Variants in CLHC1 observed in about 807,000 individuals in gnomAD.
CLHC1 encodes the protein clathrin heavy chain linker domain-containing protein 1.
In CLHC1, 72 loss-of-function variants were observed where a neutral mutation model predicts 69.5. The observed-to-expected ratio is 1.04, with a 90% CI of 0.86 to 1.26. The LOEUF is 1.26. Ranked by LOEUF, CLHC1 falls within the 50% of genes most tolerant of loss-of-function variation. The probability of loss-of-function intolerance (pLI) is 0.00; values close to 1 mark genes in which losing one functional copy is unlikely to be tolerated. For missense variants in CLHC1, 790 were observed against 679.3 expected, an observed-to-expected ratio of 1.16 and a Z score of -1.81; for synonymous variants, 223 against 224.3, an observed-to-expected ratio of 0.99 and a Z score of 0.05.
intron 4 of CLHC1, 22 bp downstream of exon 4, chr2:55,217,789 G>C (rs1490854013): frequency 4.1e-6 from 6 of 1,452,694 alleles, no homozygotes; most frequent in South Asian, 1.4e-5. Flanking sequence ...CCATCTTTTG[G>C]GCTAGTTACT....
At chr2:55,189,839 T>C (rs1670750345) in intron 9 of CLHC1, among the ~76,000 whole-genome samples, 1 of 152,110 alleles carries the variant, frequency 6.6e-6, no homozygotes, top group East Asian at 1.9e-4. Context: ...TGAGAATAAC[T>C]CTTCCACCAG....
chr2:55,204,295 G>A (rs1232177861), intron 9 of CLHC1, among the ~76,000 whole-genome samples: 1 of 151,994 alleles, frequency 6.6e-6, no homozygotes. Context: ...AAAAAGAAAA[G>A]GCAAAAGATT....
chr2:55,178,590 C>T (rs985503677), intron 11 of CLHC1, among the ~76,000 whole-genome samples: 3 of 151,702 alleles, frequency 2.0e-5, no homozygotes, highest in Non-Finnish European at 2.9e-5. Flanking sequence ...CCTGGGCTCA[C>T]GCAGTCTCCC....
intron 9 of CLHC1, among the ~76,000 whole-genome samples, chr2:55,194,391 G>C (rs534628521): frequency 6.6e-6 from 1 of 151,892 alleles, no homozygotes; most frequent in Non-Finnish European, 1.5e-5. Context: ...ATGAATACAA[G>C]AGAATTTCTT....
chr2:55,197,488 C>T (rs1024472182), intron 9 of CLHC1, among the ~76,000 whole-genome samples: 4 of 152,192 alleles, frequency 2.6e-5, no homozygotes, highest in African/African-American at 7.2e-5. Flanking sequence ...CAGCTCCAGG[C>T]AGCTCAGCAC....
At chr2:55,199,184 C>T (rs1468348933) in intron 9 of CLHC1, among the ~76,000 whole-genome samples, 1 of 148,446 alleles carries the variant, frequency 6.7e-6, no homozygotes, top group Non-Finnish European at 1.5e-5. Context: ...GTAGTCCCAT[C>T]TATTTGGGAG....
At chr2:55,216,323 T>G (rs1432653544) in intron 4 of CLHC1, among the ~76,000 whole-genome samples, 1 of 150,930 alleles carries the variant, frequency 6.6e-6, no homozygotes, top group African/African-American at 2.4e-5. Flanking sequence ...TCTATAAAAA[T>G]AATTTATCCA....
intron 9 of CLHC1, among the ~76,000 whole-genome samples, chr2:55,195,104 T>C (rs1311999595): frequency 6.6e-6 from 1 of 152,156 alleles, no homozygotes; most frequent in African/African-American, 2.4e-5. Flanking sequence ...TTATGCAATA[T>C]AGTATTATTA....
At chr2:55,177,572 A>G (rs1669511363) in intron 12 of CLHC1, 30 bp downstream of exon 12, 1 of 1,511,034 alleles carries the variant, frequency 6.6e-7, no homozygotes, top group African/African-American at 1.4e-5. Flanking sequence ...ACCCACTACT[A>G]TTTCTCCCAC....
intron 9 of CLHC1, among the ~76,000 whole-genome samples, chr2:55,190,335 C>T (rs1404782175): frequency 6.6e-6 from 1 of 152,104 alleles, no homozygotes; most frequent in Non-Finnish European, 1.5e-5. Context: ...GCATGAGCCA[C>T]CATGCCCAGC....
In CLHC1 at chr2:55,217,844, T is replaced by C. The variant is rs150449444; in HGVS notation, c.332A>G (p.Tyr111Cys). The C allele has an allele frequency of 5.0e-6, 8 of 1,587,410 alleles. No homozygotes were observed. Among genetic ancestry groups the C allele is most frequent in the African/African-American group, 2.7e-5 (2 of 73,088 alleles). ...AAGTTGGATTGTTCTTTTCCTGTAA[T>C]ATACCAAAGCTGTAGGCTCTGCTGC... ...GLAAEPTALVYYRKRTIQLEA... is the reference protein window; with the variant it reads ...GLAAEPTALVCYRKRTIQLEA... The change falls in exon 4 of 13, where the codon TAT becomes TGT. Residue 111 changes from tyrosine to cysteine, a missense_variant. Tyr to Cys is a radical substitution (Grantham distance 194). Transcript: ENST00000401408.
At chr2:55,209,584 A>G in intron 6 of CLHC1, 46 bp downstream of exon 6, 1 of 1,592,512 alleles carries the variant, frequency 6.3e-7, no homozygotes, top group Non-Finnish European at 8.6e-7. Context: ...TAGAATAAAC[A>G]CAAATAAAAC....
At chr2:55,202,864 A>T (rs1021144827) in intron 9 of CLHC1, among the ~76,000 whole-genome samples, 4 of 148,320 alleles carry the variant, frequency 2.7e-5, no homozygotes, top group African/African-American at 7.5e-5. Flanking sequence ...GCACCACTGC[A>T]CTCCAGCCTG....
Position 55,175,503 on chromosome 2 carries a change from A to T in CLHC1, c.*287T>A, listed in dbSNP as rs1182353342. The stretch of plus-strand genomic sequence containing the variant: ...CATCACCAGAAAGTAATATATCTGG[A>T]CATTAGCTTATGTCCTTAGATAAAA... On this transcript the variant is annotated 3_prime_UTR_variant, in exon 13 of 13. Transcript: ENST00000401408. 3.0e-6 allele frequency: 1 copy of T among 338,380 alleles called. No individual in the cohort carries two copies. Among genetic ancestry groups the T allele is most frequent in the East Asian group, 5.3e-5 (1 of 18,902 alleles). The allele number at this position is 338,380 out of a possible 1,614,324, so 21.0% of individuals were successfully genotyped here.
intron 9 of CLHC1, among the ~76,000 whole-genome samples, chr2:55,182,511 C>T (rs745806797): frequency 1.3e-5 from 2 of 152,080 alleles, no homozygotes; most frequent in Non-Finnish European, 2.9e-5. Context: ...GATTATTTTC[C>T]TTTTTGTGAG....
intron 5 of CLHC1, among the ~76,000 whole-genome samples, chr2:55,210,978 G>A (rs529409974): frequency 1.3e-5 from 2 of 152,198 alleles, no homozygotes; most frequent in South Asian, 4.1e-4. Flanking sequence ...ACAGGCATGA[G>A]CCACTGTGCC....
Position 55,175,869 on chromosome 2 carries a change from A to C in CLHC1, c.1682T>G (p.Ile561Ser). Residue 561 changes from isoleucine to serine, a missense_variant, in exon 13 of 13, where the codon ATT becomes AGT. Transcript: ENST00000401408. ...TGTAACTGCAGCCTGAGATCGAAGA[A>C]TAGACGTGATGTCATTAGATAATTT... Reference protein sequence around the residue: ...FDKLSNDITSILRSQAAVTEI... With the variant: ...FDKLSNDITSSLRSQAAVTEI... 1 of 1,614,070 alleles carries C rather than the reference A, an allele frequency of 6.2e-7. No homozygotes were observed. Among genetic ancestry groups the C allele is most frequent in the Non-Finnish European group, 8.5e-7 (1 of 1,179,932 alleles).
At chr2:55,200,693 T>G (rs1184949044) in intron 9 of CLHC1, among the ~76,000 whole-genome samples, 4 of 152,178 alleles carry the variant, frequency 2.6e-5, no homozygotes, top group Admixed American at 2.6e-4. Context: ...TAATAGATGT[T>G]TACAGAACGT....
intron 4 of CLHC1, among the ~76,000 whole-genome samples, chr2:55,217,588 A>C (rs1673698866): frequency 8.1e-6 from 1 of 123,468 alleles, no homozygotes; most frequent in African/African-American, 2.9e-5. Flanking sequence ...TATATATACT[A>C]AGAGGTACTA....
Sources: allele counts gnomAD v4.1 joint callset (sites outside exome capture counted in the v4.1 genomes callset), GRCh38; gene constraint gnomAD v4.1.1; transcripts MANE v1.5; gene names NCBI Gene and HGNC (gene_info 2026-07-23, HGNC 2026-07-21).